The following ULK4 variants were observed in gnomAD, a reference collection of about 807,000 sequenced individuals.
ULK4 encodes the protein unc-51 like kinase 4.
In ULK4, 133 loss-of-function variants were observed where a neutral mutation model predicts 160.6. That is an observed-to-expected ratio of 0.83 (90% CI 0.72 to 0.96). The LOEUF (loss-of-function observed/expected upper bound fraction) is 0.96, where lower values mean the gene tolerates loss of function less well. ULK4 is among the 40% of genes least tolerant of loss of function. The pLI, the probability that ULK4 is intolerant of heterozygous loss-of-function variation, is 0.00. For synonymous variants in ULK4, 534 were observed against 539.8 expected (o/e 0.99, Z 0.15); for missense variants, 1,580 against 1,499.5 (o/e 1.05, Z -0.89).
At chr3:41,678,438 C>T (rs1200793095) in intron 29 of ULK4, among the ~76,000 whole-genome samples, 3 of 152,076 alleles carry the variant, frequency 2.0e-5, no homozygotes, top group Non-Finnish European at 4.4e-5. Context: ...TTACCCTCTC[C>T]ACCAGGAACC....
intron 34 of ULK4, among the ~76,000 whole-genome samples, chr3:41,416,973 T>C (rs765484211): frequency 1.3e-5 from 2 of 152,096 alleles, no homozygotes; most frequent in Non-Finnish European, 2.9e-5. Context: ...AATGTACATG[T>C]GATAGGAACA....
intron 31 of ULK4, among the ~76,000 whole-genome samples, chr3:41,575,845 T>C (rs1559407559): frequency 8.3e-6 from 1 of 120,748 alleles, no homozygotes; most frequent in East Asian, 2.1e-4. Flanking sequence ...TTTCATGTTA[T>C]TTAGGCTTTA....
intron 4 of ULK4, among the ~76,000 whole-genome samples, chr3:41,932,768 G>A (rs948062064): frequency 2.0e-5 from 3 of 152,228 alleles, no homozygotes; most frequent in African/African-American, 7.2e-5. Context: ...GTAGGGTCAA[G>A]TGCAGTGCCT....
chr3:41,857,577 A>C (rs903539791), intron 17 of ULK4, among the ~76,000 whole-genome samples: 5 of 152,318 alleles, frequency 3.3e-5, no homozygotes, highest in African/African-American at 1.2e-4. Flanking sequence ...AGAATTCAGC[A>C]GTGAAGCCAT....
rs762878080 is a variant in ULK4 at position 41,398,239 on chromosome 3, A to G, written c.3518T>C (p.Phe1173Ser). The stretch of plus-strand genomic sequence containing the variant: ...AGACAGGCACTTGGATGAAACATCA[A>G]AAATCTCAGGATCTTCATTAGGAAG... ...PLLPNEDPEI[F>S]DVSSKCLSIL... The change falls in exon 35 of 37, where the codon TTT (phenylalanine) becomes TCT (serine). Residue 1173 changes from phenylalanine (F) to serine (S), a missense_variant. Phe to Ser is a radical substitution (Grantham distance 155, BLOSUM62 -2). Transcript: ENST00000301831. 2.5e-6 allele frequency: 4 copies of G among 1,612,074 alleles called. No homozygotes were observed. The highest frequency in any genetic ancestry group is 4.5e-5 in the East Asian group (2 of 44,854).
intron 2 of ULK4, among the ~76,000 whole-genome samples, chr3:41,939,956 T>C (rs1454065288): frequency 2.0e-5 from 3 of 151,910 alleles, no homozygotes; most frequent in Non-Finnish European, 4.4e-5. Flanking sequence ...CCCCACCCCA[T>C]GGAAAAACTG....
At chr3:41,759,364 T>C (rs1306209765) in intron 21 of ULK4, among the ~76,000 whole-genome samples, 1 of 152,218 alleles carries the variant, frequency 6.6e-6, no homozygotes, top group Non-Finnish European at 1.5e-5. Context: ...TAAATCCTTT[T>C]TAAAGTACCA....
intron 30 of ULK4, among the ~76,000 whole-genome samples, chr3:41,651,827 G>C (rs1234429386): frequency 2.0e-5 from 3 of 152,126 alleles, no homozygotes; most frequent in Non-Finnish European, 4.4e-5. Flanking sequence ...AAAATACCCA[G>C]GCAGTTCTGA....
intron 30 of ULK4, among the ~76,000 whole-genome samples, chr3:41,642,953 AT>A (rs1434114445): frequency 6.6e-6 from 1 of 152,134 alleles, no homozygotes; most frequent in East Asian, 1.9e-4. Flanking sequence ...GATGATGAGC[AT>A]TTTTTCATGT....
At chr3:41,869,665 TCC>T in intron 17 of ULK4, among the ~76,000 whole-genome samples, 1 of 152,300 alleles carries the variant, frequency 6.6e-6, no homozygotes, top group Non-Finnish European at 1.5e-5. Context: ...ATTAAACACT[TCC>T]GCATGTGTTC....
At chr3:41,655,167 T>C (rs1379856644) in intron 30 of ULK4, among the ~76,000 whole-genome samples, 2 of 151,618 alleles carry the variant, frequency 1.3e-5, no homozygotes, top group Admixed American at 6.6e-5. Context: ...TCGTTTAAAT[T>C]ATCTAGGTGT....
At chr3:41,824,744 G>A (rs1382915565) in intron 18 of ULK4, among the ~76,000 whole-genome samples, 1 of 152,196 alleles carries the variant, frequency 6.6e-6, no homozygotes, top group Non-Finnish European at 1.5e-5. Flanking sequence ...TGGGGGCAGG[G>A]CATAGCCAAA....
chr3:41,389,690 G>C (rs140449900), intron 35 of ULK4, among the ~76,000 whole-genome samples: 38 of 152,274 alleles, frequency 2.5e-4, no homozygotes, highest in Middle Eastern at 3.4e-3. Context: ...ATTTGCCTAT[G>C]TTGAACCAGC....
intron 35 of ULK4, among the ~76,000 whole-genome samples, chr3:41,319,621 A>G (rs2080210976): frequency 6.6e-6 from 1 of 152,254 alleles, no homozygotes; most frequent in Non-Finnish European, 1.5e-5. Context: ...AGCAAAGGCT[A>G]TCATATCACC....
intron 31 of ULK4, among the ~76,000 whole-genome samples, chr3:41,598,541 A>C (rs754343015): frequency 6.6e-5 from 10 of 152,192 alleles, no homozygotes; most frequent in Non-Finnish European, 1.2e-4. Context: ...GCACAGCAGG[A>C]ATTCTTCACA....
At chr3:41,253,760 G>C (rs2125670309) in intron 35 of ULK4, among the ~76,000 whole-genome samples, 1 of 152,238 alleles carries the variant, frequency 6.6e-6, no homozygotes, top group East Asian at 1.9e-4. Flanking sequence ...TCTATTGTGT[G>C]TAAGAATCTT....
In ULK4 at chr3:41,398,194, C is replaced by A; in HGVS notation, c.3563G>T (p.Gly1188Val). 2 of 1,613,422 alleles carry A rather than the reference C, an allele frequency of 1.2e-6. No individual in the cohort carries two copies. Among genetic ancestry groups the A allele is most frequent in the South Asian group, 2.2e-5 (2 of 91,052 alleles). The change falls in exon 35 of 37, where the codon GGA becomes GTA. Residue 1188 changes from glycine to valine, a missense_variant. Gly to Val is a moderately radical substitution (Grantham distance 109). Coordinates refer to ENST00000301831, the MANE Select transcript of ULK4 (RefSeq NM_017886.4). ...KCLSILVQLY[G>V]GENPDSLSPE... ...AGAGAGGCTGTCCGGGTTTTCCCCT[C>A]CATACAGCTGAACCAGTATAGACAG...
chr3:41,718,690 G>A (rs770474410), intron 22 of ULK4, among the ~76,000 whole-genome samples: 2 of 152,070 alleles, frequency 1.3e-5, no homozygotes, highest in African/African-American at 2.4e-5. Flanking sequence ...ATCCATTTCT[G>A]TTATTCTCAC....
chr3:41,831,531 A>ATATATATTTTTTTTTTTT, intron 18 of ULK4, among the ~76,000 whole-genome samples: 1 of 138,066 alleles, frequency 7.2e-6, no homozygotes, highest in East Asian at 2.1e-4. Flanking sequence ...ATATATATAT[A>ATATATATTTTTTTTTTTT]TTTTTTTTTC....
Sources: allele counts gnomAD v4.1 joint callset (sites outside exome capture counted in the v4.1 genomes callset), GRCh38; gene constraint gnomAD v4.1.1; transcripts MANE v1.5; gene names NCBI Gene and HGNC (gene_info 2026-07-23, HGNC 2026-07-21).